WRAP53: variants seen among roughly 807,000 people sequenced by gnomAD.
WRAP53 encodes the protein WD repeat containing antisense to TP53.
WRAP53 carries 28 observed loss-of-function variants against 56.6 expected under a neutral mutation model. The ratio of observed to expected loss-of-function variants is 0.50; its 90% CI spans 0.37 to 0.68. WRAP53 has a LOEUF of 0.68. Among genes scored for constraint, WRAP53 ranks in the 30% least tolerant of loss-of-function variants. WRAP53 has a pLI of 0.00. For synonymous variants in WRAP53, 283 were observed against 283.4 expected, an observed-to-expected ratio of 1.00 and a Z score of 0.01; for missense variants, 671 against 715.5, an observed-to-expected ratio of 0.94 and a Z score of 0.71.
At chr17:7,686,105 G>A (rs962280371), upstream of WRAP53, 4 of 152,378 alleles carry the variant, frequency 2.6e-5, no homozygotes, top group African/African-American at 9.6e-5. Flanking sequence ...AGGAAGAACC[G>A]GCTCGGGCCG....
At chr17:7,687,567 C>G (rs1457163626), upstream of WRAP53, 2 of 398,642 alleles carry the variant, frequency 5.0e-6, no homozygotes, top group Non-Finnish European at 8.8e-6. Flanking sequence ...TGCGAGGCTC[C>G]TGGCACAAAG....
chr17:7,693,259 C>T (rs566710221), intron 4 of WRAP53, among the ~76,000 whole-genome samples: 42 of 151,416 alleles, frequency 2.8e-4, no homozygotes, highest in African/African-American at 9.8e-4. Context: ...TTGCTCGGTA[C>T]CCGCTAGAGG....
chr17:7,700,168 C>T (rs964871335), intron 4 of WRAP53, among the ~76,000 whole-genome samples: 1 of 152,010 alleles, frequency 6.6e-6, no homozygotes, highest in Non-Finnish European at 1.5e-5. Flanking sequence ...CCTGCCTCAG[C>T]CTCCTGAGTA....
Position 7,702,812 on chromosome 17 carries a change from A to G in WRAP53, c.1234A>G (p.Thr412Ala). 6.2e-7 allele frequency: 1 copy of G among 1,613,882 alleles called. No individual in the cohort carries two copies. Among genetic ancestry groups the G allele is most frequent in the Non-Finnish European group, 8.5e-7 (1 of 1,179,964 alleles). Residue 412 changes from threonine to alanine, a missense_variant, in exon 9 of 11, where the codon ACC (threonine) becomes GCC (alanine). By Grantham distance (58) the Thr-to-Ala change is moderately conservative (BLOSUM62 0). This residue lies in a region of WRAP53 where 158 missense variants were observed against 215.7 expected (regional missense o/e 0.73). Coordinates refer to ENST00000396463, the MANE Select transcript of WRAP53 (RefSeq NM_001143992.2). This position sits in a 1 kb window ranked among gnomAD's most constrained non-coding sequence, Gnocchi z 5.0. ...ACTGTGGTCCCTGGGTCGAGAGGTG[A>G]CCACCAATCAGCGCATCTACTTCGA... ...YPLWSLGREV[T>A]TNQRIYFDLD...
chr17:7,690,085 A>T (rs1486330944), intron 4 of WRAP53, among the ~76,000 whole-genome samples: 1 of 152,146 alleles, frequency 6.6e-6, no homozygotes, highest in Non-Finnish European at 1.5e-5. Context: ...AGTAGCTGGT[A>T]TTACAGGCGC....
chr17:7,694,540 G>C (rs2074157115), intron 4 of WRAP53, among the ~76,000 whole-genome samples: 1 of 152,134 alleles, frequency 6.6e-6, no homozygotes, highest in Admixed American at 6.6e-5. Context: ...ACTGCTCCTG[G>C]CCAGTCAGTT....
In WRAP53 at chr17:7,701,799, T is replaced by C. The variant is rs1386642734; in HGVS notation, c.955+10T>C. On this transcript the variant is annotated intron_variant, in intron 7 of 10. Coordinates refer to ENST00000396463, the MANE Select transcript of WRAP53 (RefSeq NM_001143992.2). This position sits in a 1 kb window ranked among gnomAD's most constrained non-coding sequence, Gnocchi z 4.2. ...GTCCGAGCCACATTTGGTAAGCATCTGTGCCTCCAAGGGAGGAGGAGAGGG... is the reference window on the plus strand; with the variant it reads ...GTCCGAGCCACATTTGGTAAGCATCCGTGCCTCCAAGGGAGGAGGAGAGGG... 1 of 1,613,284 alleles carries C rather than the reference T, an allele frequency of 6.2e-7. No homozygotes were observed. Among genetic ancestry groups the C allele is most frequent in the African/African-American group, 1.3e-5 (1 of 75,052 alleles).
rs201527707 is a variant in WRAP53, at chr17:7,701,800, G to T, written c.955+11G>T. On this transcript the variant is annotated intron_variant, in intron 7 of 10. Transcript: ENST00000396463. This position sits in a 1 kb window ranked among gnomAD's most constrained non-coding sequence, Gnocchi z 4.2. Reference sequence around the variant, plus strand: ...TCCGAGCCACATTTGGTAAGCATCTGTGCCTCCAAGGGAGGAGGAGAGGGA... The same window carrying T: ...TCCGAGCCACATTTGGTAAGCATCTTTGCCTCCAAGGGAGGAGGAGAGGGA... 8.7e-6 allele frequency: 14 copies of T among 1,613,060 alleles called. No homozygotes were observed. The highest frequency in any genetic ancestry group is 4.0e-5 in the African/African-American group (3 of 74,926).
Position 7,689,459 on chromosome 17 carries a change from C to T in WRAP53, c.531-131C>T, listed in dbSNP as rs1410022333. The T allele has an allele frequency of 8.7e-6, 11 of 1,260,524 alleles. No homozygotes were observed. In the Middle Eastern group the frequency reaches 7.4e-4, roughly 85 times the overall value. 78.1% of individuals were successfully genotyped at this position (1,260,524 alleles called of 1,614,324 possible). A position where few individuals can be genotyped will look rare whatever the true frequency, so the allele number is the denominator to read the frequency against. ...CTTTTAGACTGAGCTTACATTTTATCTAGCAGTTTGTGTCTTCTACTTCCC... is the reference window on the plus strand; with the variant it reads ...CTTTTAGACTGAGCTTACATTTTATTTAGCAGTTTGTGTCTTCTACTTCCC... On this transcript the variant is annotated intron_variant, in intron 3 of 10. Transcript: ENST00000396463.
At chr17:7,686,104 C>G (rs1460575274), upstream of WRAP53, 1 of 152,250 alleles carries the variant, frequency 6.6e-6, no homozygotes, top group Non-Finnish European at 1.5e-5. Flanking sequence ...CAGGAAGAAC[C>G]GGCTCGGGCC....
chr17:7,700,845 C>T lies in WRAP53; in HGVS notation c.731+16C>T, dbSNP rs1227521625. ...ACACCTCCTAGTAAGTAATGTTTGC[C>T]TCCCTGCTCGCCGCCCCACCACCCA... On this transcript the variant is annotated intron_variant, in intron 5 of 10. Transcript: ENST00000396463. The T allele has an allele frequency of 3.8e-6, 6 of 1,592,652 alleles. No individual in the cohort carries two copies. The East Asian group carries it at 6.7e-5, about 18-fold the overall frequency.
chr17:7,700,685 C>A (rs376763835), intron 4 of WRAP53, 56 bp from the exon 5 acceptor site: 1 of 1,228,256 alleles, frequency 8.1e-7, no homozygotes, highest in Non-Finnish European at 1.2e-6. Context: ...TAGAGGCACG[C>A]GCCTCAGACT....
chr17:7,702,731 C>T lies in WRAP53; in HGVS notation c.1165-12C>T, dbSNP rs374381283. ...TTTGGGGGTGACTCCAGGTCCTGTT[C>T]CTTGTCTCCAGGATGCTGAGCTCCT... On this transcript the variant is annotated splice_polypyrimidine_tract_variant and intron_variant, in intron 8 of 10. Coordinates refer to ENST00000396463, the MANE Select transcript of WRAP53 (RefSeq NM_001143992.2). The surrounding 1 kb of genome is among the most constrained non-coding windows in gnomAD (Gnocchi z 5.0). 5.6e-6 allele frequency: 9 copies of T among 1,612,832 alleles called. No individual in the cohort carries two copies. Among genetic ancestry groups the T allele is most frequent in the Non-Finnish European group, 6.8e-6 (8 of 1,179,820 alleles).
rs749740076 is a variant in WRAP53, at chr17:7,694,242, C to CTTTTT, written c.642+4556_642+4560dup. Among the ~76,000 whole-genome samples the CTTTTT allele has an allele frequency of 9.4e-3, 1,146 of 122,492 alleles. 9 individuals carry two copies. The highest frequency in any genetic ancestry group is 0.017 in the Middle Eastern group (4 of 230). 80.4% of individuals were successfully genotyped at this position (122,492 alleles called of 152,430 possible). ...GTCAATTTGTTTTCTTTTTTTCTTTCTTTTTTTTTTTTTTTTTTTGAGACA... is the reference window on the plus strand; with the variant it reads ...GTCAATTTGTTTTCTTTTTTTCTTTCTTTTTTTTTTTTTTTTTTTTTTTTGAGACA... On this transcript the variant is annotated intron_variant, in intron 4 of 10. Coordinates refer to ENST00000396463, the MANE Select transcript of WRAP53 (RefSeq NM_001143992.2).
At chr17:7,687,623 G>A (rs1243623314), upstream of WRAP53, 2 of 398,826 alleles carry the variant, frequency 5.0e-6, no homozygotes, top group Non-Finnish European at 8.8e-6. Context: ...CCGCCTGCCG[G>A]AGGAAGCAAA....
At position 7,701,159 on chromosome 17, in the gene WRAP53, A is replaced by G. The variant is rs2074268203; in HGVS notation, c.732-300A>G. On this transcript the variant is annotated intron_variant, in intron 5 of 10. Transcript: ENST00000396463. This position sits in a 1 kb window ranked among gnomAD's most constrained non-coding sequence, Gnocchi z 4.2. ...AGCTAATTGTGTATTTTTCATAGAG[A>G]TGGGGTTTCACCACGTTGGCCAGGC... Among the ~76,000 whole-genome samples the G allele has an allele frequency of 6.6e-6, 1 of 152,090 alleles. No homozygotes were observed. Among genetic ancestry groups the G allele is most frequent in the Admixed American group, 6.5e-5 (1 of 15,268 alleles).
upstream of WRAP53, chr17:7,687,501 C>CT: frequency 2.5e-6 from 1 of 398,700 alleles, no homozygotes. Flanking sequence ...AAGCTCAAAA[C>CT]TTTTAGCGCC....
At chr17:7,687,508 C>G (rs1409841774), upstream of WRAP53, 1 of 398,562 alleles carries the variant, frequency 2.5e-6, no homozygotes, top group Non-Finnish European at 4.4e-6. Flanking sequence ...AAACTTTTAG[C>G]GCCAGTCTTG....
At position 7,688,853 on chromosome 17, in the gene WRAP53, G is replaced by A. The variant is rs766422100; in HGVS notation, c.205G>A (p.Glu69Lys). The A allele has an allele frequency of 5.0e-6, 8 of 1,614,106 alleles. No homozygotes were observed. The East Asian group carries it at 1.8e-4, about 36-fold the overall frequency. Residue 69 changes from glutamate to lysine, a missense_variant, in exon 2 of 11, where the codon GAG becomes AAG. By Grantham distance (56) the Glu-to-Lys change is moderately conservative (BLOSUM62 1). Around this residue, in one of 3 missense-constraint regions of WRAP53, gnomAD observed 406 missense variants for 418.5 expected, o/e 0.97. Transcript: ENST00000396463. ...CTCAGCTGTGTCCCAGGAGCTACGGGAGGGGGACCCAGTTTCTCTCTCCAC... is the reference window on the plus strand; with the variant it reads ...CTCAGCTGTGTCCCAGGAGCTACGGAAGGGGGACCCAGTTTCTCTCTCCAC... Reference protein sequence around the residue: ...AGSAVSQELREGDPVSLSTPL... With the variant: ...AGSAVSQELRKGDPVSLSTPL...
Sources: allele counts gnomAD v4.1 joint callset (sites outside exome capture counted in the v4.1 genomes callset), GRCh38; gene constraint gnomAD v4.1.1; regional missense constraint gnomAD v4.1.1; non-coding constraint Gnocchi (gnomAD v3.1); transcripts MANE v1.5; gene names NCBI Gene and HGNC (gene_info 2026-07-23, HGNC 2026-07-21).